SLC25A40: variants seen among roughly 807,000 people sequenced by gnomAD.
The protein encoded by SLC25A40 is solute carrier family 25 member 40, also known as mitochondrial glutathione transporter SLC25A40.
A neutral mutation model predicts 46.5 loss-of-function variants in SLC25A40; 41 were observed. The ratio of observed to expected loss-of-function variants is 0.88; its 90% CI spans 0.69 to 1.14. The LOEUF (loss-of-function observed/expected upper bound fraction) is 1.14, where lower values mean the gene tolerates loss of function less well. SLC25A40 is among the 50% of genes most tolerant of loss of function. The pLI is 0.00. For synonymous variants in SLC25A40, 126 were observed against 127.5 expected, an observed-to-expected ratio of 0.99 and a Z score of 0.08; for missense variants, 386 against 393.6, an observed-to-expected ratio of 0.98 and a Z score of 0.16.
intron 6 of SLC25A40, among the ~76,000 whole-genome samples, chr7:87,848,463 C>G (rs1314665166): frequency 6.6e-6 from 1 of 152,094 alleles, no homozygotes; most frequent in Non-Finnish European, 1.5e-5. Context: ...AAGACAGACA[C>G]TTCATCTCCA....
intron 1 of SLC25A40, among the ~76,000 whole-genome samples, chr7:87,860,994 T>G (rs945623416): frequency 6.6e-6 from 1 of 152,198 alleles, no homozygotes; most frequent in Non-Finnish European, 1.5e-5. Flanking sequence ...GACGGTTGTT[T>G]TTTTTGGGAA....
chr7:87,835,587 G>T lies in SLC25A40; in HGVS notation c.*662C>A, dbSNP rs1434849785. On this transcript the variant is annotated 3_prime_UTR_variant, in exon 12 of 12. Transcript: ENST00000341119. ...GGAATGGCAGAAATATAGACATTTA[G>T]TCATCAAAAATGGCACAATGTACAT... 6.6e-6 allele frequency: 1 copy of T among 151,488 alleles called. No homozygotes were observed. The highest frequency in any genetic ancestry group is 6.6e-5 in the Admixed American group (1 of 15,126). 9.4% of individuals were successfully genotyped at this position (151,488 alleles called of 1,614,324 possible). A position where few individuals can be genotyped will look rare whatever the true frequency, so the allele number is the denominator to read the frequency against.
At position 87,835,386 on chromosome 7, in the gene SLC25A40, A is replaced by C. The variant is rs1418817069; in HGVS notation, c.*863T>G. 6.6e-6 allele frequency: 1 copy of C among 151,588 alleles called. No individual in the cohort carries two copies. The highest frequency in any genetic ancestry group is 1.5e-5 in the Non-Finnish European group (1 of 67,688). The allele number at this position is 151,588 out of a possible 1,614,324, so 9.4% of individuals were successfully genotyped here. A position where few individuals can be genotyped will look rare whatever the true frequency, so the allele number is the denominator to read the frequency against. The stretch of plus-strand genomic sequence containing the variant: ...TTGTTAGAACAACACAATAAAAATG[A>C]CCTAGAGAATTCCATGAACAATGAT... On this transcript the variant is annotated 3_prime_UTR_variant, in exon 12 of 12. Transcript: ENST00000341119.
At position 87,854,231 on chromosome 7, in the gene SLC25A40, C is replaced by CT. The variant is rs1188796235; in HGVS notation, c.236dup (p.Lys80GlufsTer14). 1 of 1,612,706 alleles carries CT rather than the reference C, an allele frequency of 6.2e-7. No homozygotes were observed. Among genetic ancestry groups the CT allele is most frequent in the Non-Finnish European group, 8.5e-7 (1 of 1,178,950 alleles). On this transcript the variant is annotated frameshift_variant, in exon 5 of 12. Coordinates refer to ENST00000341119, the MANE Select transcript of SLC25A40 (RefSeq NM_018843.4). LOFTEE classifies it high-confidence loss of function. The stretch of plus-strand genomic sequence containing the variant: ...ATGTTCCCTGGAAATTTCCTGGCTT[C>CT]TTATACCATAGTTTGTTGCCTCCCT...
intron 2 of SLC25A40, among the ~76,000 whole-genome samples, chr7:87,859,757 G>C (rs1838669979): frequency 6.6e-6 from 1 of 152,082 alleles, no homozygotes; most frequent in Non-Finnish European, 1.5e-5. Context: ...ATCAGTTTCA[G>C]ATTGTTAGAT....
At chr7:87,875,671 C>T (rs907163233) in intron 1 of SLC25A40, among the ~76,000 whole-genome samples, 1 of 152,164 alleles carries the variant, frequency 6.6e-6, no homozygotes, top group Non-Finnish European at 1.5e-5. Flanking sequence ...CTTTCCACTC[C>T]TTCATTGTTG....
At chr7:87,875,090 C>T (rs1838967215) in intron 1 of SLC25A40, among the ~76,000 whole-genome samples, 1 of 152,236 alleles carries the variant, frequency 6.6e-6, no homozygotes. Flanking sequence ...ACACTTCCTT[C>T]CACCACTCAA....
At chr7:87,850,531 T>C (rs901739629) in intron 5 of SLC25A40, among the ~76,000 whole-genome samples, 21 of 152,116 alleles carry the variant, frequency 1.4e-4, no homozygotes, top group Non-Finnish European at 3.1e-4. Flanking sequence ...TCCCAGCACT[T>C]TGGAAGGCAG....
chr7:87,874,747 A>G (rs1441283892), intron 1 of SLC25A40, among the ~76,000 whole-genome samples: 1 of 152,190 alleles, frequency 6.6e-6, no homozygotes, highest in Non-Finnish European at 1.5e-5. Flanking sequence ...CCCCCTTTTA[A>G]TAGATTAAAA....
intron 1 of SLC25A40, among the ~76,000 whole-genome samples, chr7:87,864,980 CTTTT>C (rs927908236): frequency 8.2e-6 from 1 of 121,492 alleles, no homozygotes; most frequent in Non-Finnish European, 1.8e-5. Context: ...CTTTTCTTTT[CTTTT>C]TTTTTTTTTT....
chr7:87,861,552 T>C (rs1438054293), intron 1 of SLC25A40, among the ~76,000 whole-genome samples: 1 of 152,218 alleles, frequency 6.6e-6, no homozygotes, highest in Non-Finnish European at 1.5e-5. Flanking sequence ...TTCATTGTTC[T>C]GTATTTTTCT....
chr7:87,847,121 A>G lies in SLC25A40; in HGVS notation c.459T>C (p.Phe153=). ...GTGGACTTATCACAGTTACTGCACC[A>G]ACTAATACAAACAAGTTAAAAAAAA... ...IPIVAGIVAR[F]GAVTVISPLE... Residue 153 remains phenylalanine, a splice_region_variant and synonymous_variant, in exon 8 of 12, where the codon TTT becomes TTC. Coordinates refer to ENST00000341119, the MANE Select transcript of SLC25A40 (RefSeq NM_018843.4). The G allele has an allele frequency of 1.3e-6, 2 of 1,581,220 alleles. No homozygotes were observed. The highest frequency in any genetic ancestry group is 1.7e-6 in the Non-Finnish European group (2 of 1,163,642).
chr7:87,836,601 AATAAAG>A (rs1314919069), intron 11 of SLC25A40, 123 bp downstream of exon 11: 7 of 565,414 alleles, frequency 1.2e-5, no homozygotes, highest in Non-Finnish European at 1.7e-5. Flanking sequence ...TTTAACTTAT[AATAAAG>A]ATATTTAGGA....
At chr7:87,851,662 C>A (rs1218309465) in intron 5 of SLC25A40, among the ~76,000 whole-genome samples, 1 of 152,184 alleles carries the variant, frequency 6.6e-6, no homozygotes, top group Non-Finnish European at 1.5e-5. Context: ...ATATAGAAAG[C>A]CAGAATTCCC....
chr7:87,848,029 A>T (rs1382197276), intron 6 of SLC25A40, 52 bp from the exon 7 acceptor site: 1 of 1,553,812 alleles, frequency 6.4e-7, no homozygotes, highest in Non-Finnish European at 8.6e-7. Context: ...GATCCCACAT[A>T]GTCTTAACTT....
At chr7:87,850,816 T>C (rs1409933689) in intron 5 of SLC25A40, among the ~76,000 whole-genome samples, 7 of 151,704 alleles carry the variant, frequency 4.6e-5, no homozygotes, top group African/African-American at 1.5e-4. Context: ...ATGTTCATCA[T>C]TGATTATTAT....
At chr7:87,858,538 A>G (rs958015228) in intron 3 of SLC25A40, 93 bp downstream of exon 3, 2 of 738,572 alleles carry the variant, frequency 2.7e-6, no homozygotes, top group Admixed American at 2.3e-5. Flanking sequence ...TGGAAAATAG[A>G]AAGAAACTAC....
At chr7:87,837,355 A>G (rs1363099104) in intron 10 of SLC25A40, among the ~76,000 whole-genome samples, 1 of 150,806 alleles carries the variant, frequency 6.6e-6, no homozygotes, top group Non-Finnish European at 1.5e-5. Context: ...TAGTTTTAAA[A>G]CTTTTTTTTT....
intron 1 of SLC25A40, among the ~76,000 whole-genome samples, chr7:87,870,397 C>A (rs967507137): frequency 6.6e-6 from 1 of 151,992 alleles, no homozygotes; most frequent in African/African-American, 2.4e-5. Flanking sequence ...CTGTGATGTC[C>A]ACTAAAGCAG....
Sources: allele counts gnomAD v4.1 joint callset (sites outside exome capture counted in the v4.1 genomes callset), GRCh38; gene constraint gnomAD v4.1.1; transcripts MANE v1.5; gene names NCBI Gene and HGNC (gene_info 2026-07-23, HGNC 2026-07-21).